DNAH9: variants seen among roughly 807,000 people sequenced by gnomAD.
DNAH9 encodes dynein axonemal heavy chain 9, also known as DNAH9 variant protein.
Under a neutral mutation model 471.6 loss-of-function variants are expected in DNAH9, and 345 were observed. The observed-to-expected ratio is 0.73, with a 90% CI of 0.67 to 0.80. DNAH9 has a LOEUF of 0.80. Ranked by LOEUF, DNAH9 falls within the 30% of genes least tolerant of loss-of-function variation. DNAH9 has a pLI of 0.00. For synonymous variants in DNAH9, 2,093 were observed against 2,123.6 expected, an observed-to-expected ratio of 0.99 and a Z score of 0.40; for missense variants, 5,407 against 5,609.2, an observed-to-expected ratio of 0.96 and a Z score of 1.15.
Position 11,689,904 on chromosome 17 carries a change from G to A in DNAH9, c.4082G>A (p.Ser1361Asn), listed in dbSNP as rs1206487713. The A allele has an allele frequency of 1.9e-6, 3 of 1,608,520 alleles. No homozygotes were observed. Among genetic ancestry groups the A allele is most frequent in the Non-Finnish European group, 8.5e-7 (1 of 1,177,188 alleles). The stretch of plus-strand genomic sequence containing the variant: ...TGGGATGCATTCACAGGCCTGGAAA[G>A]CACTGTGTGGAACACGCTGAGCTCC... ...RAWDAFTGLE[S>N]TVWNTLSSLR... The change falls in exon 20 of 69, where the codon AGC becomes AAC. Residue 1361 changes from serine (S) to asparagine (N), a missense_variant. Ser to Asn is a conservative substitution (Grantham distance 46). Around this residue, in one of 3 missense-constraint regions of DNAH9, gnomAD observed 4,636 missense variants for 4,900.3 expected, o/e 0.95. Coordinates refer to ENST00000262442, the MANE Select transcript of DNAH9 (RefSeq NM_001372.4).
chr17:11,651,043 A>C (rs2073495961), intron 12 of DNAH9, 26 bp from the exon 13 acceptor site: 2 of 1,606,772 alleles, frequency 1.2e-6, no homozygotes, highest in East Asian at 4.5e-5. Context: ...TGAACGACAG[A>C]CACTTGTGTT....
At chr17:11,686,971 A>G (rs2074252293) in intron 19 of DNAH9, among the ~76,000 whole-genome samples, 1 of 152,180 alleles carries the variant, frequency 6.6e-6, no homozygotes, top group African/African-American at 2.4e-5. Context: ...ACCTACACAC[A>G]CCAACGATTA....
intron 38 of DNAH9, among the ~76,000 whole-genome samples, chr17:11,770,370 C>G (rs1968155868): frequency 6.6e-6 from 1 of 152,158 alleles, no homozygotes; most frequent in South Asian, 2.1e-4. Flanking sequence ...TTCCCCAGTG[C>G]CCCTGGGGGA....
At chr17:11,906,670 T>C (rs902321668) in intron 61 of DNAH9, among the ~76,000 whole-genome samples, 1 of 149,892 alleles carries the variant, frequency 6.7e-6, no homozygotes, top group Admixed American at 6.6e-5. Flanking sequence ...ATATATACCA[T>C]GGAATACTAT....
intron 67 of DNAH9, among the ~76,000 whole-genome samples, chr17:11,942,879 AC>A (rs1163460639): frequency 6.7e-6 from 1 of 150,006 alleles, no homozygotes; most frequent in Admixed American, 6.7e-5. Flanking sequence ...CTGTCGATTT[AC>A]ATTGGCTTGT....
chr17:11,795,122 A>G (rs1969197435), intron 42 of DNAH9, among the ~76,000 whole-genome samples: 1 of 152,194 alleles, frequency 6.6e-6, no homozygotes, highest in African/African-American at 2.4e-5. Context: ...GAAATCTTGA[A>G]TAACTCTAAT....
At position 11,822,509 on chromosome 17, in the gene DNAH9, C is replaced by T; in HGVS notation, c.8922C>T (p.Asn2974=). 2.5e-6 allele frequency: 4 copies of T among 1,614,206 alleles called. No homozygotes were observed. Among genetic ancestry groups the T allele is most frequent in the Admixed American group, 1.7e-5 (1 of 60,024 alleles). Residue 2974 remains asparagine, a synonymous_variant, in exon 47 of 69, where the codon AAC becomes AAT. Transcript: ENST00000262442. ...GCAGGAAGTTCCCAGCCATTGTGAA[C>T]TGCACAGCCATCCACTGGTTCCACG... ...VRSRKFPAIV[N]CTAIHWFHEW...
intron 17 of DNAH9, among the ~76,000 whole-genome samples, chr17:11,678,942 A>G (rs1888528435): frequency 6.6e-6 from 1 of 152,038 alleles, no homozygotes; most frequent in Non-Finnish European, 1.5e-5. Flanking sequence ...TCTACCCTGC[A>G]GTTTAGAAAC....
At chr17:11,959,016 C>CA (rs141257767) in intron 67 of DNAH9, among the ~76,000 whole-genome samples, 1,626 of 152,186 alleles carry the variant, frequency 0.011, 31 homozygotes, top group African/African-American at 0.037. Flanking sequence ...TAATGTGCTA[C>CA]ATTTAAAAAT....
At chr17:11,898,265 C>T (rs904333090) in intron 59 of DNAH9, among the ~76,000 whole-genome samples, 2 of 152,096 alleles carry the variant, frequency 1.3e-5, no homozygotes, top group Non-Finnish European at 2.9e-5. Context: ...GCTGGGATTA[C>T]CGGCGTGCGC....
intron 26 of DNAH9, among the ~76,000 whole-genome samples, chr17:11,706,016 G>T (rs376944324): frequency 1.1e-3 from 166 of 152,234 alleles, no homozygotes; most frequent in African/African-American, 3.7e-3. Flanking sequence ...TCTTGAAAAT[G>T]TCATGGTGCA....
intron 26 of DNAH9, among the ~76,000 whole-genome samples, chr17:11,715,663 G>T (rs562431997): frequency 2.0e-5 from 3 of 152,102 alleles, no homozygotes; most frequent in African/African-American, 4.8e-5. Flanking sequence ...AGGATCTTTT[G>T]CCATTGTCAT....
At chr17:11,807,641 G>T in intron 43 of DNAH9, 91 bp from the exon 44 acceptor site, 1 of 1,392,852 alleles carries the variant, frequency 7.2e-7, no homozygotes. Flanking sequence ...TGCCTCCAAG[G>T]AAGGCCCCTG....
chr17:11,742,309 A>C lies in DNAH9; in HGVS notation c.6107A>C (p.Lys2036Thr), dbSNP rs768318273. ...LYQLCKELLS[K>T]QDHYDWGLRA... is the part of the protein sequence containing the mutation. ...CAGTTGTGCAAAGAGCTTCTCTCCA[A>C]ACAGGTAGGATCTCTAGGGAGGCTG... Residue 2036 changes from lysine (K) to threonine (T), a missense_variant, in exon 30 of 69, where the codon AAA (lysine) becomes ACA (threonine). Around this residue, in one of 3 missense-constraint regions of DNAH9, gnomAD observed 4,636 missense variants for 4,900.3 expected, o/e 0.95. Transcript: ENST00000262442. 1 of 1,613,978 alleles carries C rather than the reference A, an allele frequency of 6.2e-7. No individual in the cohort carries two copies. The highest frequency in any genetic ancestry group is 8.5e-7 in the Non-Finnish European group (1 of 1,179,990).
Position 11,690,310 on chromosome 17 carries a change from G to A in DNAH9, c.4488G>A (p.Ser1496=), listed in dbSNP as rs368670819. The A allele has an allele frequency of 4.0e-5, 64 of 1,613,982 alleles. No homozygotes were observed. Among genetic ancestry groups the A allele is most frequent in the African/African-American group, 3.3e-4 (25 of 74,898 alleles). Residue 1496 remains serine, a synonymous_variant, in exon 20 of 69, where the codon TCG becomes TCA. Coordinates refer to ENST00000262442, the MANE Select transcript of DNAH9 (RefSeq NM_001372.4). Reference sequence around the variant, plus strand: ...TTGCTTTCTTCTTGGAGGAGGTGTCGGGCTGGCAGAAGAAGCTGTCCACAG... The same window carrying A: ...TTGCTTTCTTCTTGGAGGAGGTGTCAGGCTGGCAGAAGAAGCTGTCCACAG... ...KYVAFFLEEV[S]GWQKKLSTVD... is the part of the protein sequence containing the mutation.
chr17:11,819,058 C>T (rs1371687396), intron 45 of DNAH9, among the ~76,000 whole-genome samples: 2 of 151,986 alleles, frequency 1.3e-5, no homozygotes, highest in African/African-American at 4.8e-5. Flanking sequence ...TCCCTCTTCT[C>T]TGATTTCAAA....
chr17:11,689,584 T>G lies in DNAH9; in HGVS notation c.3762T>G (p.Pro1254=). The G allele has an allele frequency of 6.2e-7, 1 of 1,613,360 alleles. No individual in the cohort carries two copies. The highest frequency in any genetic ancestry group is 8.5e-7 in the Non-Finnish European group (1 of 1,179,674). Residue 1254 remains proline, a synonymous_variant, in exon 20 of 69, where the codon CCT becomes CCG. Transcript: ENST00000262442. ...EAPFRFDSIH[P]HQMLDARHIE... ...TTTGTAGGTTTGATAGCATCCACCC[T>G]CATCAAATGCTGGATGCCAGGCACA...
intron 41 of DNAH9, 56 bp downstream of exon 41, chr17:11,784,595 G>C: frequency 6.2e-7 from 1 of 1,608,936 alleles, no homozygotes; most frequent in Non-Finnish European, 8.5e-7. Context: ...CAGATGCTCC[G>C]ATTCTTCATA....
chr17:11,626,574 G>A lies in DNAH9; in HGVS notation c.1351-2843G>A, dbSNP rs2072973793. Among the ~76,000 whole-genome samples, 1 of 152,078 alleles carries A rather than the reference G, an allele frequency of 6.6e-6. No homozygotes were observed. Among genetic ancestry groups the A allele is most frequent in the Admixed American group, 6.6e-5 (1 of 15,260 alleles). ...TTATTAAGTGAAACCACAGGAAATGGCCATTTTTTAGGTCGAAATGATCCC... is the reference window on the plus strand; with the variant it reads ...TTATTAAGTGAAACCACAGGAAATGACCATTTTTTAGGTCGAAATGATCCC... On this transcript the variant is annotated intron_variant, in intron 6 of 68. Coordinates refer to ENST00000262442, the MANE Select transcript of DNAH9 (RefSeq NM_001372.4). The surrounding 1 kb of genome is among the most constrained non-coding windows in gnomAD (Gnocchi z 4.3).
Sources: gnomAD v4.1 joint callset for allele counts (sites outside exome capture counted in the v4.1 genomes callset) on GRCh38, gnomAD v4.1.1 for gene constraint, gnomAD v4.1.1 regional missense constraint, Gnocchi (gnomAD v3.1) non-coding constraint, MANE v1.5 for transcripts, NCBI Gene and HGNC (gene_info 2026-07-23, HGNC 2026-07-21) for gene names.